Variants in RBM17 observed in about 807,000 individuals in gnomAD.
The protein encoded by RBM17 is RNA binding motif protein 17, also known as splicing factor 45.
In RBM17, 7 loss-of-function variants were observed where a neutral mutation model predicts 53.2. The ratio of observed to expected loss-of-function variants is 0.13; its 90% CI spans 0.07 to 0.25. The LOEUF (loss-of-function observed/expected upper bound fraction) is 0.25. Among genes scored for constraint, RBM17 ranks in the 10% least tolerant of loss-of-function variants. The probability of loss-of-function intolerance (pLI) is 1.00; values close to 1 mark genes in which losing one functional copy is unlikely to be tolerated. For missense variants in RBM17, 257 were observed against 496.7 expected, an observed-to-expected ratio of 0.52 and a Z score of 4.59; for synonymous variants, 167 against 178.1, an observed-to-expected ratio of 0.94 and a Z score of 0.50.
chr10:6,112,340 G>A lies in RBM17; in HGVS notation c.835G>A (p.Val279Met), dbSNP rs757896052. ...CAGCAAGCGTGGCGGCAAGATCATC[G>A]TGGGCGACGCCACAGAGAAAGGTGT... Reference protein sequence around the residue: ...KTSKRGGKIIVGDATEKDASK... With the variant: ...KTSKRGGKIIMGDATEKDASK... Residue 279 changes from valine to methionine, a missense_variant, in exon 8 of 12, where the codon GTG (valine) becomes ATG (methionine). Transcript: ENST00000379888. This position sits in a 1 kb window ranked among gnomAD's most constrained non-coding sequence, Gnocchi z 4.4. 8 of 1,613,980 alleles carry A rather than the reference G, an allele frequency of 5.0e-6. No individual in the cohort carries two copies. Among genetic ancestry groups the A allele is most frequent in the Non-Finnish European group, 6.8e-6 (8 of 1,180,002 alleles).
At chr10:6,098,108 GT>G (rs1390537923) in intron 2 of RBM17, among the ~76,000 whole-genome samples, 10 of 152,310 alleles carry the variant, frequency 6.6e-5, no homozygotes, top group Admixed American at 5.9e-4. Flanking sequence ...CCATTAAAAT[GT>G]AGGCATGAGA....
intron 1 of RBM17, among the ~76,000 whole-genome samples, chr10:6,094,429 TTG>T: frequency 6.6e-6 from 1 of 152,228 alleles, no homozygotes; most frequent in Non-Finnish European, 1.5e-5. Context: ...TGATTTATCT[TTG>T]TGATTTCCCA....
chr10:6,112,528 G>A lies in RBM17; in HGVS notation c.856+167G>A. On this transcript the variant is annotated intron_variant, in intron 8 of 11. Transcript: ENST00000379888. The surrounding 1 kb of genome is among the most constrained non-coding windows in gnomAD (Gnocchi z 4.4). The stretch of plus-strand genomic sequence containing the variant: ...AGAACACAGGCCGTCCTGTTCATAT[G>A]ATGCACTGCCACTTCCGTTTTGTGA... The A allele has an allele frequency of 1.4e-6, 1 of 737,354 alleles. No homozygotes were observed. Among genetic ancestry groups the A allele is most frequent in the Non-Finnish European group, 2.3e-6 (1 of 434,102 alleles). 45.7% of individuals were successfully genotyped at this position (737,354 alleles called of 1,614,324 possible).
intron 7 of RBM17, among the ~76,000 whole-genome samples, chr10:6,111,786 A>G (rs543073652): frequency 6.6e-6 from 1 of 152,278 alleles, no homozygotes; most frequent in African/African-American, 2.4e-5. Context: ...TGTCATTGGA[A>G]ACTCTCCTGT....
intron 3 of RBM17, 116 bp from the exon 4 acceptor site, chr10:6,104,815 G>A (rs1840723069): frequency 3.7e-6 from 3 of 805,762 alleles, no homozygotes; most frequent in South Asian, 4.3e-5. Context: ...TAAAACAGAG[G>A]AAGGGGCTAG....
At chr10:6,113,648 G>T in intron 9 of RBM17, 67 bp downstream of exon 9, 1 of 1,028,248 alleles carries the variant, frequency 9.7e-7, no homozygotes. Context: ...AGCCTACCCT[G>T]CTCCCCCTAA....
At chr10:6,101,440 T>A (rs1840668592) in intron 3 of RBM17, 53 bp downstream of exon 3, 2 of 1,148,700 alleles carry the variant, frequency 1.7e-6, no homozygotes, top group South Asian at 2.7e-5. Context: ...CCCATGTGGC[T>A]TATTTTGCAT....
chr10:6,111,813 G>A (rs904080045), intron 7 of RBM17, among the ~76,000 whole-genome samples: 1 of 152,074 alleles, frequency 6.6e-6, no homozygotes, highest in African/African-American at 2.4e-5. Context: ...TAGGAAAATG[G>A]GATCATCTTC....
Position 6,117,034 on chromosome 10 carries a change from T to C in RBM17, c.*1478T>C, listed in dbSNP as rs983581434. 1 of 152,380 alleles carries C rather than the reference T, an allele frequency of 6.6e-6. No homozygotes were observed. The highest frequency in any genetic ancestry group is 2.4e-5 in the African/African-American group (1 of 41,466). The allele number at this position is 152,380 out of a possible 1,614,324, so 9.4% of individuals were successfully genotyped here. ...CCTCAAGTGGAAACCATGTTTGTGC[T>C]TACAAGTACCGGAGTGTGCTTGTTT... On this transcript the variant is annotated 3_prime_UTR_variant, in exon 12 of 12. Transcript: ENST00000379888.
At chr10:6,115,385 T>C in intron 11 of RBM17, 68 bp from the exon 12 acceptor site, 1 of 1,526,696 alleles carries the variant, frequency 6.6e-7, no homozygotes. Context: ...GTAAAGTTAC[T>C]GTTTAATTAA....
chr10:6,104,514 AATG>A (rs1231972472), intron 3 of RBM17, among the ~76,000 whole-genome samples: 4 of 152,220 alleles, frequency 2.6e-5, no homozygotes, highest in African/African-American at 9.7e-5. Context: ...ATTCTGTTAA[AATG>A]ATGACTGCAA....
chr10:6,106,924 T>C (rs1282186395), intron 5 of RBM17, among the ~76,000 whole-genome samples: 1 of 152,254 alleles, frequency 6.6e-6, no homozygotes, highest in Admixed American at 6.5e-5. Flanking sequence ...ATGTGATTAG[T>C]AGCAGATTTC....
intron 2 of RBM17, among the ~76,000 whole-genome samples, chr10:6,097,619 C>T (rs1479808138): frequency 2.6e-5 from 4 of 152,138 alleles, no homozygotes; most frequent in African/African-American, 7.2e-5. Flanking sequence ...TGCAGTGAGC[C>T]GAGATCGCGC....
intron 5 of RBM17, 31 bp from the exon 6 acceptor site, chr10:6,108,655 T>G (rs1431959995): frequency 6.3e-7 from 1 of 1,593,020 alleles, no homozygotes; most frequent in Non-Finnish European, 8.6e-7. Flanking sequence ...ATCGGAAACC[T>G]CCTTTAATGC....
intron 2 of RBM17, among the ~76,000 whole-genome samples, chr10:6,100,736 T>A (rs1161090358): frequency 6.6e-6 from 1 of 152,100 alleles, no homozygotes; most frequent in East Asian, 1.9e-4. Flanking sequence ...GTGAACTGGA[T>A]GGGAAATGAC....
chr10:6,114,564 A>G (rs1840887634), intron 10 of RBM17: 1 of 162,480 alleles, frequency 6.2e-6, no homozygotes, highest in South Asian at 1.7e-4. Context: ...AACACATAAA[A>G]TAACTGAAAG....
intron 1 of RBM17, among the ~76,000 whole-genome samples, chr10:6,095,508 C>T (rs1032408658): frequency 6.6e-5 from 10 of 152,302 alleles, no homozygotes; most frequent in African/African-American, 2.2e-4. Flanking sequence ...GCCACCGTGC[C>T]TGACCATCCC....
intron 5 of RBM17, among the ~76,000 whole-genome samples, chr10:6,106,575 A>G (rs1425201028): frequency 2.0e-5 from 3 of 152,204 alleles, no homozygotes; most frequent in African/African-American, 7.2e-5. Context: ...GGGGAAGCAT[A>G]GTTAACATTG....
At chr10:6,113,933 C>T in intron 9 of RBM17, 116 bp from the exon 10 acceptor site, 10 of 680,840 alleles carry the variant, frequency 1.5e-5, no homozygotes, top group Non-Finnish European at 2.5e-5. Context: ...TGAAATTTTT[C>T]ATTATGTCGT....
Sources: allele counts gnomAD v4.1 joint callset (sites outside exome capture counted in the v4.1 genomes callset), GRCh38; gene constraint gnomAD v4.1.1; non-coding constraint Gnocchi (gnomAD v3.1); transcripts MANE v1.5; gene names NCBI Gene and HGNC (gene_info 2026-07-23, HGNC 2026-07-21).